Variants in FMN1 observed in about 807,000 individuals in gnomAD.
FMN1 encodes formin-1.
FMN1 carries 110 observed loss-of-function variants against 132.4 expected under a neutral mutation model. The observed-to-expected ratio is 0.83, with a 90% CI of 0.71 to 0.97. The LOEUF (loss-of-function observed/expected upper bound fraction) is 0.97, where lower values mean the gene tolerates loss of function less well. FMN1 is among the 50% of genes least tolerant of loss of function. FMN1 has a pLI of 0.00. For synonymous variants in FMN1, 722 were observed against 651.7 expected, an observed-to-expected ratio of 1.11 and a Z score of -1.64; for missense variants, 1,792 against 1,705.3, an observed-to-expected ratio of 1.05 and a Z score of -0.90.
intron 16 of FMN1, among the ~76,000 whole-genome samples, chr15:32,879,491 C>T (rs2059712805): frequency 2.0e-5 from 3 of 152,142 alleles, no homozygotes. Flanking sequence ...TGATCAATAC[C>T]CTGCTCTCCC....
At chr15:33,181,499 T>C (rs1965699090) in intron 2 of FMN1, among the ~76,000 whole-genome samples, 2 of 152,112 alleles carry the variant, frequency 1.3e-5, no homozygotes, top group African/African-American at 4.8e-5. Flanking sequence ...GCCCGATGGC[T>C]TTCTTACTGC....
chr15:32,794,736 G>C (rs1252099745), intron 19 of FMN1, among the ~76,000 whole-genome samples: 3 of 152,200 alleles, frequency 2.0e-5, no homozygotes, highest in African/African-American at 7.2e-5. Flanking sequence ...TGGATATCAT[G>C]AGGTACAAAT....
intron 16 of FMN1, among the ~76,000 whole-genome samples, chr15:32,866,821 T>C (rs1335431443): frequency 6.6e-6 from 1 of 152,196 alleles, no homozygotes; most frequent in East Asian, 1.9e-4. Flanking sequence ...GCATCTTGAC[T>C]ACTTCTCCTT....
At position 32,771,514 on chromosome 15, in the gene FMN1, T is replaced by C. The variant is rs1379720515; in HGVS notation, c.*2796A>G. On this transcript the variant is annotated 3_prime_UTR_variant, in exon 21 of 21. Transcript: ENST00000616417. ...AAGAATCTGAACTACTGTCAAACTG[T>C]GTCCTCAGATTTAATGAATATTGTC... 6.6e-6 allele frequency: 1 copy of C among 152,240 alleles called. No individual in the cohort carries two copies. Among genetic ancestry groups the C allele is most frequent in the Non-Finnish European group, 1.5e-5 (1 of 68,036 alleles). 9.4% of individuals were successfully genotyped at this position (152,240 alleles called of 1,614,324 possible). A position where few individuals can be genotyped will look rare whatever the true frequency, so the allele number is the denominator to read the frequency against.
At position 32,765,802 on chromosome 15, in the gene FMN1, T is replaced by A. The variant is rs578152496; in HGVS notation, c.*8508A>T. 3.9e-4 allele frequency: 59 copies of A among 152,140 alleles called. No homozygotes were observed. The highest frequency in any genetic ancestry group is 1.2e-3 in the African/African-American group (49 of 41,512). 9.4% of individuals were successfully genotyped at this position (152,140 alleles called of 1,614,324 possible). Reference sequence around the variant, plus strand: ...AAGTACTGTCAAGGAGGAAAAAATATATATATATAATACACACATTTTTAT... The same window carrying A: ...AAGTACTGTCAAGGAGGAAAAAATAAATATATATAATACACACATTTTTAT... On this transcript the variant is annotated 3_prime_UTR_variant, in exon 21 of 21. Coordinates refer to ENST00000616417, the MANE Select transcript of FMN1 (RefSeq NM_001277313.2).
At chr15:32,894,978 A>C (rs74375768) in intron 15 of FMN1, among the ~76,000 whole-genome samples, 4,283 of 152,290 alleles carry the variant, frequency 0.028, 201 homozygotes, top group African/African-American at 0.093. Flanking sequence ...TACACTCTCC[A>C]TAAGAGTATA....
At chr15:33,167,744 G>A (rs2140313695) in intron 3 of FMN1, among the ~76,000 whole-genome samples, 2 of 152,316 alleles carry the variant, frequency 1.3e-5, no homozygotes, top group South Asian at 4.1e-4. Context: ...TTCTAATAAA[G>A]TAAGCTAGAG....
At chr15:33,126,883 T>C (rs78434460) in intron 4 of FMN1, among the ~76,000 whole-genome samples, 2 of 152,166 alleles carry the variant, frequency 1.3e-5, no homozygotes, top group Non-Finnish European at 2.9e-5. Flanking sequence ...TAAATAACTG[T>C]GGCTGTATAA....
intron 9 of FMN1, among the ~76,000 whole-genome samples, chr15:32,954,780 C>T (rs554212954): frequency 3.3e-5 from 5 of 152,166 alleles, no homozygotes; most frequent in Admixed American, 6.5e-5. Flanking sequence ...TCAAGGTGGG[C>T]GGATCACTTG....
intron 17 of FMN1, among the ~76,000 whole-genome samples, chr15:32,826,683 A>C (rs528095774): frequency 6.6e-6 from 1 of 152,310 alleles, no homozygotes. Context: ...ATACCCACCT[A>C]GGAGTTTGCT....
chr15:33,175,492 C>T (rs535120870), intron 3 of FMN1, among the ~76,000 whole-genome samples: 2 of 152,326 alleles, frequency 1.3e-5, no homozygotes, highest in African/African-American at 4.8e-5. Flanking sequence ...CATCTATTTT[C>T]TTCTTTCACT....
intron 9 of FMN1, among the ~76,000 whole-genome samples, chr15:32,927,286 C>T (rs566676188): frequency 6.6e-6 from 1 of 152,024 alleles, no homozygotes; most frequent in African/African-American, 2.4e-5. Flanking sequence ...AGATAGTATC[C>T]AGCGCCGTCA....
intron 2 of FMN1, among the ~76,000 whole-genome samples, chr15:33,180,938 A>T (rs1965678200): frequency 6.6e-6 from 1 of 152,008 alleles, no homozygotes; most frequent in Non-Finnish European, 1.5e-5. Context: ...TTTAGTAAAG[A>T]GGGGGCTTCA....
intron 6 of FMN1, among the ~76,000 whole-genome samples, chr15:33,018,963 TG>T (rs1040753078): frequency 6.6e-6 from 1 of 152,178 alleles, no homozygotes; most frequent in African/African-American, 2.4e-5. Context: ...AAAGACAATG[TG>T]GGCCCAAAGG....
At chr15:32,895,973 A>G (rs1246612064) in intron 15 of FMN1, among the ~76,000 whole-genome samples, 1 of 152,154 alleles carries the variant, frequency 6.6e-6, no homozygotes, top group African/African-American at 2.4e-5. Flanking sequence ...CAAAATCAGT[A>G]AACTATTTAC....
At chr15:32,887,983 A>G (rs1443690650) in intron 16 of FMN1, among the ~76,000 whole-genome samples, 189 bp downstream of exon 16, 2 of 151,514 alleles carry the variant, frequency 1.3e-5, no homozygotes, top group African/African-American at 4.8e-5. Context: ...CACTAATAAA[A>G]GAGAAGAATT....
rs538272013 is a variant in FMN1 at position 32,799,972 on chromosome 15, G to GT, written c.3981-1020dup. 1.4e-3 allele frequency among the ~76,000 whole-genome samples: 205 copies of GT among 149,258 alleles called. 1 individual carries two copies. The highest frequency in any genetic ancestry group is 0.013 in the South Asian group (61 of 4,658). ...CTCTATCATCTGTTCAGACACAGTG[G>GT]TTTTTTTTTTGTGTGTGGCCATCCT... On this transcript the variant is annotated intron_variant, in intron 18 of 20. Transcript: ENST00000616417.
At chr15:32,792,107 G>A (rs1448492309) in intron 19 of FMN1, among the ~76,000 whole-genome samples, 1 of 151,884 alleles carries the variant, frequency 6.6e-6, no homozygotes, top group African/African-American at 2.4e-5. Flanking sequence ...AGTCACCTTC[G>A]CAGAGAGACC....
chr15:32,902,569 T>G (rs1194972558), intron 12 of FMN1, among the ~76,000 whole-genome samples: 1 of 152,248 alleles, frequency 6.6e-6, no homozygotes, highest in African/African-American at 2.4e-5. Context: ...GATCACATTC[T>G]CCAGATATTT....
Sources: gnomAD v4.1 joint callset for allele counts (sites outside exome capture counted in the v4.1 genomes callset) on GRCh38, gnomAD v4.1.1 for gene constraint, MANE v1.5 for transcripts, NCBI Gene and HGNC (gene_info 2026-07-23, HGNC 2026-07-21) for gene names.